The following PINX1 variants were observed in gnomAD, a reference collection of about 807,000 sequenced individuals.
The protein encoded by PINX1 is PIN2 (TERF1) interacting telomerase inhibitor 1.
Under a neutral mutation model 25.4 loss-of-function variants are expected in PINX1, and 34 were observed. The ratio of observed to expected loss-of-function variants is 1.34; its 90% CI spans 1.02 to 1.78. The LOEUF (loss-of-function observed/expected upper bound fraction) is 1.78. Among genes scored for constraint, PINX1 ranks in the 40% most tolerant of loss-of-function variants. PINX1 has a pLI of 0.00. For missense variants in PINX1, 592 were observed against 404.9 expected (o/e 1.46, Z -3.97); for synonymous variants, 197 against 147.7 (o/e 1.33, Z -2.42).
At chr8:10,774,057 A>C (rs1450544843) in intron 6 of PINX1, among the ~76,000 whole-genome samples, 1 of 152,226 alleles carries the variant, frequency 6.6e-6, no homozygotes, top group Non-Finnish European at 1.5e-5. Flanking sequence ...CTCCAGAGGC[A>C]GGACAAACAG....
At chr8:10,775,474 C>T (rs1227374815) in intron 6 of PINX1, among the ~76,000 whole-genome samples, 1 of 128,090 alleles carries the variant, frequency 7.8e-6, no homozygotes, top group Non-Finnish European at 1.6e-5. Flanking sequence ...TACAGGATTA[C>T]AGGGCAAGAT....
At chr8:10,810,058 A>C (rs1261118542) in intron 6 of PINX1, among the ~76,000 whole-genome samples, 1 of 152,168 alleles carries the variant, frequency 6.6e-6, no homozygotes, top group African/African-American at 2.4e-5. Context: ...GCTCTTAAAC[A>C]ACCAGGTCTC....
intron 6 of PINX1, among the ~76,000 whole-genome samples, chr8:10,785,181 G>C (rs928209535): frequency 6.6e-6 from 1 of 152,142 alleles, no homozygotes; most frequent in African/African-American, 2.4e-5. Flanking sequence ...AATTATATAA[G>C]ATTACAATTT....
At position 10,839,866 on chromosome 8, in the gene PINX1, T is replaced by C; in HGVS notation, c.-110A>G. The C allele has an allele frequency of 9.2e-7, 1 of 1,082,088 alleles. No homozygotes were observed. The highest frequency in any genetic ancestry group is 1.3e-6 in the Non-Finnish European group (1 of 754,062). The allele number at this position is 1,082,088 out of a possible 1,614,324, so 67.0% of individuals were successfully genotyped here. A position where few individuals can be genotyped will look rare whatever the true frequency, so the allele number is the denominator to read the frequency against. ...GTGCGTAACTCCCTCGCCGGCGGAC[T>C]GCAGCGGACGGGGCGCGTGCTGGTG... On this transcript the variant is annotated 5_prime_UTR_variant, in exon 1 of 7. Coordinates refer to ENST00000314787, the MANE Select transcript of PINX1 (RefSeq NM_017884.6).
At chr8:10,791,002 T>G (rs1005182109) in intron 6 of PINX1, among the ~76,000 whole-genome samples, 2 of 152,112 alleles carry the variant, frequency 1.3e-5, no homozygotes, top group Non-Finnish European at 2.9e-5. Context: ...AGCCTCCGCT[T>G]CCCAAGTTCA....
At chr8:10,777,776 T>C (rs543068861) in intron 6 of PINX1, among the ~76,000 whole-genome samples, 65 of 152,314 alleles carry the variant, frequency 4.3e-4, no homozygotes, top group African/African-American at 1.5e-3. Context: ...ACCACTTTCA[T>C]TGCTTCGCAC....
At chr8:10,774,122 T>C (rs1801314210) in intron 6 of PINX1, among the ~76,000 whole-genome samples, 1 of 152,218 alleles carries the variant, frequency 6.6e-6, no homozygotes, top group South Asian at 2.1e-4. Context: ...GAGCAGAAGC[T>C]TCCAGAGGGT....
At chr8:10,799,653 C>CACTT (rs1213707945) in intron 6 of PINX1, among the ~76,000 whole-genome samples, 1 of 152,218 alleles carries the variant, frequency 6.6e-6, no homozygotes, top group Non-Finnish European at 1.5e-5. Context: ...AGTCTAATCC[C>CACTT]ACTTACTGTC....
intron 6 of PINX1, among the ~76,000 whole-genome samples, chr8:10,786,425 G>A (rs1801749423): frequency 6.6e-6 from 1 of 152,170 alleles, no homozygotes; most frequent in South Asian, 2.1e-4. Context: ...GTTCAAACGT[G>A]ACATTTCCTA....
chr8:10,805,433 G>A (rs1047418645), intron 6 of PINX1, among the ~76,000 whole-genome samples: 5 of 152,092 alleles, frequency 3.3e-5, no homozygotes, highest in Admixed American at 2.6e-4. Context: ...TAACTTGCAG[G>A]AAGAAGCCAT....
intron 1 of PINX1, 127 bp downstream of exon 1, chr8:10,839,611 C>T (rs984285295): frequency 2.1e-6 from 2 of 962,524 alleles, no homozygotes; most frequent in Non-Finnish European, 1.6e-6. Flanking sequence ...GCTCGGCTCC[C>T]CGGTCCCCCG....
intron 6 of PINX1, among the ~76,000 whole-genome samples, chr8:10,799,596 G>A (rs1056476888): frequency 6.6e-5 from 10 of 152,138 alleles, no homozygotes; most frequent in East Asian, 1.9e-4. Flanking sequence ...GAAAGCATTC[G>A]GGCAAAAGTG....
At position 10,765,466 on chromosome 8, in the gene PINX1, T is replaced by C. The variant is rs775796423; in HGVS notation, c.922A>G (p.Ile308Val). ...TCTTCTAGTGTAGCGTCCTCTGCTA[T>C]CTCTACTGGTTTTTGCAGCTTTTTC... The part of the protein sequence containing the change: ...GKKKLQKPVE[I>V]AEDATLEETL... Residue 308 changes from isoleucine to valine, a missense_variant, in exon 7 of 7, where the codon ATA becomes GTA. Physicochemically the swap from Ile to Val is conservative, Grantham distance 29. Coordinates refer to ENST00000314787, the MANE Select transcript of PINX1 (RefSeq NM_017884.6). The C allele has an allele frequency of 2.1e-5, 34 of 1,613,116 alleles. No homozygotes were observed. Among genetic ancestry groups the C allele is most frequent in the Admixed American group, 3.3e-5 (2 of 60,016 alleles).
In PINX1 at chr8:10,787,021, T is replaced by C. The variant is rs149613380; in HGVS notation, c.472-21105A>G. Among the ~76,000 whole-genome samples the C allele has an allele frequency of 6.8e-4, 103 of 152,302 alleles. 1 individual carries two copies. The East Asian group carries it at 0.018, about 26-fold the overall frequency. On this transcript the variant is annotated intron_variant, in intron 6 of 6. Transcript: ENST00000314787. ...TGTGTGTGGAGGGGTAGGCAACAAG[T>C]ATTCTGGTTGTAAAACGACATACAT...
intron 6 of PINX1, among the ~76,000 whole-genome samples, chr8:10,784,997 T>A (rs931617979): frequency 6.6e-6 from 1 of 152,080 alleles, no homozygotes; most frequent in Admixed American, 6.6e-5. Flanking sequence ...AACAGAACCT[T>A]CAGAAACAGA....
chr8:10,781,610 G>A (rs1202888333), intron 6 of PINX1, among the ~76,000 whole-genome samples: 1 of 152,088 alleles, frequency 6.6e-6, no homozygotes, highest in Admixed American at 6.5e-5. Context: ...AACCATCAAG[G>A]AAATGTAAAT....
At chr8:10,834,806 T>C (rs760761782) in intron 1 of PINX1, 31 bp from the exon 2 acceptor site, 11 of 1,499,980 alleles carry the variant, frequency 7.3e-6, no homozygotes, top group Middle Eastern at 1.7e-4. Context: ...TCATCAGCAA[T>C]GGAGATGATA....
At chr8:10,820,333 G>C (rs750962301) in intron 5 of PINX1, 64 bp from the exon 6 acceptor site, 4 of 1,107,868 alleles carry the variant, frequency 3.6e-6, no homozygotes, top group African/African-American at 3.1e-5. Flanking sequence ...GCGCAGACAT[G>C]AACTATGCAG....
rs530863570 is a variant in PINX1, at chr8:10,834,756, C to G, written c.39G>C (p.Trp13Cys). The change falls in exon 2 of 7, where the codon TGG becomes TGC. Residue 13 changes from tryptophan to cysteine, a missense_variant. Physicochemically the swap from Trp to Cys is radical, Grantham distance 215. Transcript: ENST00000314787. Reference protein sequence around the residue: ...MLAERRRKQKWAVDPQNTAWS... With the variant: ...MLAERRRKQKCAVDPQNTAWS... ...AGGCAGTGTTCTGAGGATCCACAGCCCACTTCTGCTTCCGCCGACCTGTAA... is the reference window on the plus strand; with the variant it reads ...AGGCAGTGTTCTGAGGATCCACAGCGCACTTCTGCTTCCGCCGACCTGTAA... 2 of 1,613,462 alleles carry G rather than the reference C, an allele frequency of 1.2e-6. No individual in the cohort carries two copies. The highest frequency in any genetic ancestry group is 2.2e-5 in the East Asian group (1 of 44,868).
Sources: gnomAD v4.1 joint callset for allele counts (sites outside exome capture counted in the v4.1 genomes callset) on GRCh38, gnomAD v4.1.1 for gene constraint, MANE v1.5 for transcripts, NCBI Gene and HGNC (gene_info 2026-07-23, HGNC 2026-07-21) for gene names.